SPTA1: variants seen among roughly 807,000 people sequenced by gnomAD.
SPTA1 encodes spectrin alpha, erythrocytic 1.
SPTA1 carries 177 observed loss-of-function variants against 324.7 expected under a neutral mutation model. The observed-to-expected ratio is 0.55, with a 90% confidence interval of 0.48 to 0.62. The LOEUF is 0.62. SPTA1 is among the 20% of genes least tolerant of loss of function. SPTA1 has a pLI of 0.00. For missense variants in SPTA1, 3,162 were observed against 2,883.6 expected (o/e 1.10, Z -2.21); for synonymous variants, 1,195 against 1,041.3 (o/e 1.15, Z -2.84).
In SPTA1 at chr1:158,626,835, A is replaced by G; in HGVS notation, c.5833+4T>C. On this transcript the variant is annotated splice_donor_region_variant and intron_variant, in intron 41 of 51. Transcript: ENST00000643759. ...CAAGGGACCCTGAACCTGACACATCATACCTATCCAAGCCTCTACCACATC... is the reference window on the plus strand; with the variant it reads ...CAAGGGACCCTGAACCTGACACATCGTACCTATCCAAGCCTCTACCACATC... 1 of 1,613,598 alleles carries G rather than the reference A, an allele frequency of 6.2e-7. No individual in the cohort carries two copies. The highest frequency in any genetic ancestry group is 8.5e-7 in the Non-Finnish European group (1 of 1,179,576).
In SPTA1 at chr1:158,681,587, G is replaced by A; in HGVS notation, c.471C>T (p.Ala157=). The stretch of plus-strand genomic sequence containing the variant: ...CCTGTACATACTGCTGGAACTTCAG[G>A]GCCCGCAGCAACTGGTCACCCTTCT... The part of the protein sequence containing the change: ...TLEKGDQLLR[A]LKFQQYVQEC... Residue 157 remains alanine, a synonymous_variant, in exon 4 of 52, where the codon GCC becomes GCT. Transcript: ENST00000643759. 2.5e-6 allele frequency: 4 copies of A among 1,613,706 alleles called. No homozygotes were observed. Among genetic ancestry groups the A allele is most frequent in the East Asian group, 2.2e-5 (1 of 44,854 alleles).
Position 158,626,234 on chromosome 1 carries a change from A to C in SPTA1, c.5834-12T>G. The C allele has an allele frequency of 6.2e-7, 1 of 1,612,988 alleles. No homozygotes were observed. Among genetic ancestry groups the C allele is most frequent in the Non-Finnish European group, 8.5e-7 (1 of 1,179,148 alleles). On this transcript the variant is annotated splice_polypyrimidine_tract_variant and intron_variant, in intron 41 of 51. Transcript: ENST00000643759. ...TGTTTCCTTATCAGCTAAAAGGCAA[A>C]AACAATTAAGAAGAGAAAGACATTT... is the stretch of plus-strand genomic sequence containing the variant.
At chr1:158,679,036 C>T (rs997673690) in intron 5 of SPTA1, among the ~76,000 whole-genome samples, 1 of 152,076 alleles carries the variant, frequency 6.6e-6, no homozygotes, top group Non-Finnish European at 1.5e-5. Context: ...AAATTTCAGG[C>T]ATTTTTGCAA....
rs1651420727 is a variant in SPTA1, at chr1:158,639,993, C to T, written c.4752G>A (p.Gln1584=). 2 of 1,613,688 alleles carry T rather than the reference C, an allele frequency of 1.2e-6. No homozygotes were observed. Among genetic ancestry groups the T allele is most frequent in the East Asian group, 2.2e-5 (1 of 44,864 alleles). ...GCAGATGATCCCAATGTTCCTTCAG[C>T]TGTTCCAGTTGCTCCTAACCCAAGG... is the stretch of plus-strand genomic sequence containing the variant. ...NEEAMKEQLE[Q]LKEHWDHLLE... is the part of the protein sequence containing the mutation. Residue 1584 remains glutamine, a synonymous_variant, in exon 34 of 52, where the codon CAG becomes CAA. Transcript: ENST00000643759.
intron 27 of SPTA1, 120 bp downstream of exon 27, chr1:158,647,419 G>A (rs1381746441): frequency 5.6e-6 from 7 of 1,247,470 alleles, no homozygotes; most frequent in Non-Finnish European, 6.9e-6. Context: ...TGCCTTGCAA[G>A]AGGTGAGACT....
chr1:158,681,465 T>G (rs1285354613), intron 4 of SPTA1, 62 bp downstream of exon 4: 8 of 1,611,912 alleles, frequency 5.0e-6, no homozygotes, highest in African/African-American at 1.3e-5. Context: ...AGTAATTTGC[T>G]ATGGGGTACC....
At chr1:158,614,153 G>C in intron 49 of SPTA1, 100 bp downstream of exon 49, 1 of 1,023,188 alleles carries the variant, frequency 9.8e-7, no homozygotes, top group South Asian at 1.4e-5. Context: ...CTTCATTTAA[G>C]ATTCCACCAA....
chr1:158,678,409 T>G lies in SPTA1; in HGVS notation c.804A>C (p.Arg268=), dbSNP rs756355366. The change falls in exon 6 of 52, where the codon CGA becomes CGC. Residue 268 remains arginine, a synonymous_variant. Coordinates refer to ENST00000643759, the MANE Select transcript of SPTA1 (RefSeq NM_003126.4). ...KALSNAANLQ[R]FKRDVTEAIQ... The stretch of plus-strand genomic sequence containing the variant: ...AGTGGCCAGATCCATACCTTTTGAA[T>G]CGTTGTAAGTTTGCAGCATTGGACA... 3 of 1,613,486 alleles carry G rather than the reference T, an allele frequency of 1.9e-6. No homozygotes were observed. Among genetic ancestry groups the G allele is most frequent in the African/African-American group, 2.7e-5 (2 of 74,864 alleles).
At position 158,648,658 on chromosome 1, in the gene SPTA1, T is replaced by C; in HGVS notation, c.3570-5A>G. 1 of 1,613,546 alleles carries C rather than the reference T, an allele frequency of 6.2e-7. No homozygotes were observed. On this transcript the variant is annotated splice_region_variant and splice_polypyrimidine_tract_variant and intron_variant, in intron 25 of 51. Transcript: ENST00000643759. ...TCCTTCGTGTCATCTGCTTCTCTGG[T>C]ATACAAGAGAGTAGAGAGTTCAAAA...
chr1:158,662,845 C>A lies in SPTA1; in HGVS notation c.2321G>T (p.Arg774Leu), dbSNP rs765951388. Reference protein sequence around the residue: ...IRARQESLVCRFEALKEPLAT... With the variant: ...IRARQESLVCLFEALKEPLAT... ...CAGTGGCTCTTTCAGAGCTTCAAAT[C>A]GGCATACCAAGGACTCTTGCCTTGC... Residue 774 changes from arginine (R) to leucine (L), a missense_variant, in exon 17 of 52, where the codon CGA (arginine) becomes CTA (leucine). Transcript: ENST00000643759. 2 of 1,613,950 alleles carry A rather than the reference C, an allele frequency of 1.2e-6. No individual in the cohort carries two copies. The highest frequency in any genetic ancestry group is 3.3e-5 in the Admixed American group (2 of 59,994).
Position 158,683,962 on chromosome 1 carries a change from C to A in SPTA1, c.265-466G>T, listed in dbSNP as rs147803762. On this transcript the variant is annotated intron_variant, in intron 2 of 51. Transcript: ENST00000643759. Reference sequence around the variant, plus strand: ...GTTCTAGGTGTTTCCTGTCCAACATCAATTGCTTCTGATTATGACAACACC... The same window carrying A: ...GTTCTAGGTGTTTCCTGTCCAACATAAATTGCTTCTGATTATGACAACACC... 1.4e-3 allele frequency among the ~76,000 whole-genome samples: 206 copies of A among 151,982 alleles called. 1 individual carries two copies. Among genetic ancestry groups the A allele is most frequent in the African/African-American group, 4.4e-3 (182 of 41,446 alleles).
Position 158,681,531 on chromosome 1 carries a change from T to C in SPTA1, c.527A>G (p.Asp176Gly). ...TTGCTGTTTTAAGTTCGATACCTTG[T>C]CTCCAATCCACTCTAAGATGTCAGC... is the stretch of plus-strand genomic sequence containing the variant. ...ECADILEWIGDKEAIATSVEL... is the reference protein window; with the variant it reads ...ECADILEWIGGKEAIATSVEL... Residue 176 changes from aspartate to glycine, a missense_variant, in exon 4 of 52, where the codon GAC (aspartate) becomes GGC (glycine). Transcript: ENST00000643759. 1.2e-6 allele frequency: 2 copies of C among 1,613,604 alleles called. No individual in the cohort carries two copies. Among genetic ancestry groups the C allele is most frequent in the Non-Finnish European group, 1.7e-6 (2 of 1,179,676 alleles).
intron 27 of SPTA1, among the ~76,000 whole-genome samples, chr1:158,646,042 C>A (rs974233681): frequency 6.6e-6 from 1 of 152,134 alleles, no homozygotes; most frequent in Non-Finnish European, 1.5e-5. Context: ...CATCTTATTA[C>A]AGAGTCTCAA....
chr1:158,636,227 A>G (rs1374860390), intron 37 of SPTA1, among the ~76,000 whole-genome samples, 193 bp from the exon 38 acceptor site: 1 of 152,204 alleles, frequency 6.6e-6, no homozygotes, highest in Non-Finnish European at 1.5e-5. Context: ...AACTTTCCCA[A>G]GTATTTGCAA....
chr1:158,636,013 T>A lies in SPTA1; in HGVS notation c.5332A>T (p.Lys1778Ter), dbSNP rs1307393397. Residue 1778 changes from lysine (K) to a stop codon, truncating the protein, a stop_gained, in exon 38 of 52, where the codon AAG becomes TAG. Coordinates refer to ENST00000643759, the MANE Select transcript of SPTA1 (RefSeq NM_003126.4). LOFTEE classifies it high-confidence loss of function. ...CCCACAGCAGCCTTGTCTTTCAGCTTCTCTGCCATATCCAGCACATTCTGA... is the reference window on the plus strand; with the variant it reads ...CCCACAGCAGCCTTGTCTTTCAGCTACTCTGCCATATCCAGCACATTCTGA... ...AIQNVLDMAE[K>*]LKDKAAVGQE... 1 of 1,614,148 alleles carries A rather than the reference T, an allele frequency of 6.2e-7. No homozygotes were observed. The highest frequency in any genetic ancestry group is 1.3e-5 in the African/African-American group (1 of 75,034).
intron 48 of SPTA1, chr1:158,614,544 A>T (rs998559308): frequency 2.3e-6 from 1 of 434,874 alleles, no homozygotes; most frequent in Non-Finnish European, 4.1e-6. Flanking sequence ...TCAAAAGAAA[A>T]TTTTTTGAAA....
chr1:158,649,998 C>T (rs1176108917), intron 24 of SPTA1, 51 bp from the exon 25 acceptor site: 1 of 1,274,182 alleles, frequency 7.8e-7, no homozygotes, highest in Non-Finnish European at 1.1e-6. Context: ...ACTCACATGG[C>T]TCAGTGGCGT....
At chr1:158,612,271 C>T in intron 51 of SPTA1, 2 of 172,914 alleles carry the variant, frequency 1.2e-5, no homozygotes, top group East Asian at 1.6e-4. Context: ...CAACACTCAC[C>T]CTGTGTTAAT....
In SPTA1 at chr1:158,657,703, T is replaced by C. The variant is rs907489389; in HGVS notation, c.2588-9A>G. 1.2e-6 allele frequency: 2 copies of C among 1,613,632 alleles called. No homozygotes were observed. The highest frequency in any genetic ancestry group is 8.5e-7 in the Non-Finnish European group (1 of 1,179,684). ...TTCTGCAGCAAAGTGTCCTATGGAG[T>C]AATTATAGAAAAGGTGAGTATGATC... On this transcript the variant is annotated splice_polypyrimidine_tract_variant and intron_variant, in intron 18 of 51. Coordinates refer to ENST00000643759, the MANE Select transcript of SPTA1 (RefSeq NM_003126.4).
Sources: gnomAD v4.1 joint callset for allele counts (sites outside exome capture counted in the v4.1 genomes callset) on GRCh38, gnomAD v4.1.1 for gene constraint, MANE v1.5 for transcripts, NCBI Gene and HGNC (gene_info 2026-07-23, HGNC 2026-07-21) for gene names.